The following IGSF21 variants were observed in gnomAD, a reference collection of about 807,000 sequenced individuals.
IGSF21 encodes the protein immunoglobulin superfamily member 21.
A neutral mutation model predicts 46.8 loss-of-function variants in IGSF21; 28 were observed. The observed-to-expected ratio is 0.60, with a 90% confidence interval of 0.44 to 0.82. The LOEUF is 0.82. Ranked by LOEUF, IGSF21 falls within the 40% of genes least tolerant of loss-of-function variation. The pLI, the probability that IGSF21 is intolerant of heterozygous loss-of-function variation, is 0.00. For missense variants in IGSF21, 624 were observed against 665.5 expected (o/e 0.94, Z 0.69); for synonymous variants, 284 against 273.6 (o/e 1.04, Z -0.38).
intron 1 of IGSF21, among the ~76,000 whole-genome samples, chr1:18,142,528 G>A (rs189384240): frequency 3.9e-5 from 6 of 152,170 alleles, no homozygotes; most frequent in African/African-American, 9.6e-5. Context: ...CCTGGCCCTC[G>A]GGCCCTCCCT....
At chr1:18,111,077 G>A (rs1484534517) in intron 1 of IGSF21, 2 of 152,310 alleles carry the variant, frequency 1.3e-5, no homozygotes, top group African/African-American at 4.8e-5. Flanking sequence ...CAACCGCAAC[G>A]CCGAGACTGC....
At chr1:18,178,534 A>G (rs2086826044) in intron 1 of IGSF21, among the ~76,000 whole-genome samples, 1 of 152,254 alleles carries the variant, frequency 6.6e-6, no homozygotes, top group African/African-American at 2.4e-5. Flanking sequence ...GAGTTAATGT[A>G]CATAAAATGC....
chr1:18,136,942 G>A (rs560678155), intron 1 of IGSF21, among the ~76,000 whole-genome samples: 2 of 152,160 alleles, frequency 1.3e-5, no homozygotes, highest in Non-Finnish European at 2.9e-5. Flanking sequence ...CTGAGCAGTG[G>A]TTTGTAGTTC....
chr1:18,152,292 AG>A lies in IGSF21; in HGVS notation c.70+44096del, dbSNP rs58439793. Among the ~76,000 whole-genome samples, 1,012 of 152,302 alleles carry A rather than the reference AG, an allele frequency of 6.6e-3. 18 individuals are homozygous for A. The highest frequency in any genetic ancestry group is 0.023 in the African/African-American group (969 of 41,550). On this transcript the variant is annotated intron_variant, in intron 1 of 9. Coordinates refer to ENST00000251296, the MANE Select transcript of IGSF21 (RefSeq NM_032880.5). ...TCCAGAAGGTCATGCCTGAGTCTGG[AG>A]GTGGCTTCAAGGTTTTAACTGCGTT...
At chr1:18,317,606 A>AG (rs2085555963) in intron 3 of IGSF21, among the ~76,000 whole-genome samples, 2 of 152,146 alleles carry the variant, frequency 1.3e-5, no homozygotes, top group African/African-American at 4.8e-5. Flanking sequence ...TGGTGCACCC[A>AG]ATGGCTCCAC....
intron 1 of IGSF21, among the ~76,000 whole-genome samples, chr1:18,206,806 G>A (rs2084333044): frequency 6.6e-6 from 1 of 152,224 alleles, no homozygotes; most frequent in Admixed American, 6.5e-5. Context: ...GCACAAAGGA[G>A]CAGCATGATC....
intron 1 of IGSF21, among the ~76,000 whole-genome samples, chr1:18,119,458 G>A (rs902068659): frequency 6.6e-6 from 1 of 152,238 alleles, no homozygotes; most frequent in African/African-American, 2.4e-5. Context: ...TAGTGATGAC[G>A]GTATTGGACA....
At chr1:18,313,412 T>C (rs1358948090) in intron 3 of IGSF21, among the ~76,000 whole-genome samples, 1 of 152,196 alleles carries the variant, frequency 6.6e-6, no homozygotes, top group Non-Finnish European at 1.5e-5. Context: ...GGCTGTGGAA[T>C]CCTAGGCAAG....
intron 5 of IGSF21, among the ~76,000 whole-genome samples, chr1:18,363,466 C>T (rs74056436): frequency 0.011 from 1,721 of 151,908 alleles, 25 homozygotes; most frequent in African/African-American, 0.038. Context: ...GGGCAGCTGG[C>T]AGGGTCACAG....
At chr1:18,329,147 A>C (rs1294375384) in intron 3 of IGSF21, among the ~76,000 whole-genome samples, 1 of 150,908 alleles carries the variant, frequency 6.6e-6, no homozygotes, top group Non-Finnish European at 1.5e-5. Context: ...ATCTGGGGGC[A>C]GTGGGGGAGA....
In IGSF21 at chr1:18,148,216, C is replaced by T. The variant is rs546055881; in HGVS notation, c.70+40018C>T. On this transcript the variant is annotated intron_variant, in intron 1 of 9. Coordinates refer to ENST00000251296, the MANE Select transcript of IGSF21 (RefSeq NM_032880.5). The stretch of plus-strand genomic sequence containing the variant: ...CGCGATCTCATCTCACTGCAAGCTC[C>T]GCCTCCTGGGTTCACGCCGTTGTCC... Among the ~76,000 whole-genome samples the T allele has an allele frequency of 1.0e-3, 153 of 148,644 alleles. 1 individual carries two copies. The highest frequency in any genetic ancestry group is 3.5e-3 in the African/African-American group (142 of 40,628).
At chr1:18,340,576 G>T (rs982187031) in intron 4 of IGSF21, among the ~76,000 whole-genome samples, 12 of 152,172 alleles carry the variant, frequency 7.9e-5, no homozygotes, top group Non-Finnish European at 1.6e-4. Flanking sequence ...ATGGTACAGA[G>T]GACGAAACTA....
chr1:18,313,168 G>A (rs148524683), intron 3 of IGSF21, among the ~76,000 whole-genome samples: 94 of 152,304 alleles, frequency 6.2e-4, no homozygotes, highest in African/African-American at 1.5e-3. Context: ...AGGGAGGACC[G>A]CCGGGAGGAA....
chr1:18,333,270 C>G (rs2085732660), intron 3 of IGSF21, among the ~76,000 whole-genome samples: 1 of 152,168 alleles, frequency 6.6e-6, no homozygotes, highest in Non-Finnish European at 1.5e-5. Context: ...CCCAGTCCCT[C>G]TAAGTTGTAG....
intron 1 of IGSF21, among the ~76,000 whole-genome samples, chr1:18,215,757 C>T (rs141844523): frequency 3.0e-4 from 45 of 152,140 alleles, no homozygotes; most frequent in African/African-American, 1.0e-3. Context: ...GTATAGGGGT[C>T]AGGGGTTTGG....
chr1:18,162,475 C>T (rs1281250055), intron 1 of IGSF21, among the ~76,000 whole-genome samples: 3 of 151,824 alleles, frequency 2.0e-5, no homozygotes, highest in Admixed American at 2.0e-4. Context: ...CATTAGGGAG[C>T]TGCAGCTCCC....
chr1:18,300,369 G>A (rs1292416171), intron 3 of IGSF21, among the ~76,000 whole-genome samples: 1 of 152,192 alleles, frequency 6.6e-6, no homozygotes, highest in African/African-American at 2.4e-5. Context: ...GAATTCAATG[G>A]CCGGCACCAA....
intron 2 of IGSF21, among the ~76,000 whole-genome samples, chr1:18,243,115 A>G (rs1259049401): frequency 6.6e-6 from 1 of 152,180 alleles, no homozygotes; most frequent in Non-Finnish European, 1.5e-5. Context: ...ATGGAGCTTG[A>G]GCTATATCCA....
chr1:18,318,417 T>G (rs72936990), intron 3 of IGSF21, among the ~76,000 whole-genome samples: 58 of 152,322 alleles, frequency 3.8e-4, no homozygotes, highest in African/African-American at 1.4e-3. Flanking sequence ...AGATCACTTC[T>G]GCAGGCCTTG....
Sources: gnomAD v4.1 joint callset for allele counts (sites outside exome capture counted in the v4.1 genomes callset) on GRCh38, gnomAD v4.1.1 for gene constraint, MANE v1.5 for transcripts, NCBI Gene and HGNC (gene_info 2026-07-23, HGNC 2026-07-21) for gene names.